VPS52: variants seen among roughly 807,000 people sequenced by gnomAD.
VPS52 encodes VPS52 subunit of GARP complex.
In VPS52, 56 loss-of-function variants were observed where a neutral mutation model predicts 98.7. That is an observed-to-expected ratio of 0.57 (90% CI 0.46 to 0.71). VPS52 has a LOEUF of 0.71. Among genes scored for constraint, VPS52 ranks in the 30% least tolerant of loss-of-function variants. The probability of loss-of-function intolerance (pLI) is 0.00; values close to 1 mark genes in which losing one functional copy is unlikely to be tolerated. For missense variants in VPS52, 742 were observed against 925.9 expected (o/e 0.80, Z 2.58); for synonymous variants, 348 against 346.4 (o/e 1.00, Z -0.05).
chr6:33,253,816 A>G (rs1300726713), intron 17 of VPS52, among the ~76,000 whole-genome samples: 3 of 152,236 alleles, frequency 2.0e-5, no homozygotes, highest in South Asian at 2.1e-4. Flanking sequence ...ATTCATCTGT[A>G]TATGTATAAG....
Position 33,250,608 on chromosome 6 carries a change from G to A in VPS52, c.*233C>T. 1 of 536,440 alleles carries A rather than the reference G, an allele frequency of 1.9e-6. No homozygotes were observed. Among genetic ancestry groups the A allele is most frequent in the Non-Finnish European group, 3.2e-6 (1 of 308,010 alleles). 33.2% of individuals were successfully genotyped at this position (536,440 alleles called of 1,614,324 possible). A position where few individuals can be genotyped will look rare whatever the true frequency, so the allele number is the denominator to read the frequency against. ...AGAAATGATAAAGGCCATTTTGGAA[G>A]CCCACAGGGAAGTGGTCTTGGGAAA... On this transcript the variant is annotated 3_prime_UTR_variant, in exon 20 of 20. Transcript: ENST00000445902.
rs923554752 is a variant in VPS52, at chr6:33,267,840, G to A, written c.933+25C>T. 1 of 1,612,922 alleles carries A rather than the reference G, an allele frequency of 6.2e-7. No homozygotes were observed. Among genetic ancestry groups the A allele is most frequent in the Non-Finnish European group, 8.5e-7 (1 of 1,179,992 alleles). On this transcript the variant is annotated intron_variant, in intron 9 of 19. Coordinates refer to ENST00000445902, the MANE Select transcript of VPS52 (RefSeq NM_022553.6). This position sits in a 1 kb window ranked among gnomAD's most constrained non-coding sequence, Gnocchi z 4.2. ...CCCTCCTCCCAGTCCATGTGCCCAGGAATACCTCTCCCTCCTGACCTTACC... is the reference window on the plus strand; with the variant it reads ...CCCTCCTCCCAGTCCATGTGCCCAGAAATACCTCTCCCTCCTGACCTTACC...
At chr6:33,270,104 C>G in intron 2 of VPS52, 53 bp from the exon 3 acceptor site, 1 of 1,613,480 alleles carries the variant, frequency 6.2e-7, no homozygotes, top group Non-Finnish European at 8.5e-7. Flanking sequence ...CCTCTCCCCA[C>G]ATTGAGTATC....
At chr6:33,269,884 A>T in intron 3 of VPS52, 65 bp from the exon 4 acceptor site, 1 of 1,592,994 alleles carries the variant, frequency 6.3e-7, no homozygotes, top group African/African-American at 1.3e-5. Context: ...TAACAGAATC[A>T]GTGAAGGACT....
rs1391859860 is a variant in VPS52 at position 33,264,373 on chromosome 6, C to T, written c.1524+1G>A. On this transcript the variant is annotated splice_donor_variant, in intron 14 of 19. Transcript: ENST00000445902. LOFTEE classifies it high-confidence loss of function. ...CCTTTGTTACCCTTGCCCTCCCTCA[C>T]ATAGTGGGGCCGAGTATCCAACCCC... 6.2e-7 allele frequency: 1 copy of T among 1,613,880 alleles called. No homozygotes were observed. Among genetic ancestry groups the T allele is most frequent in the African/African-American group, 1.3e-5 (1 of 74,920 alleles).
chr6:33,267,014 G>A lies in VPS52; in HGVS notation c.1125+174C>T, dbSNP rs1002727320. ...CCCTCTGCATGCCCTTAAGTCAATGGTTCCCAGCTCTTTTCACATCACAGC... is the reference window on the plus strand; with the variant it reads ...CCCTCTGCATGCCCTTAAGTCAATGATTCCCAGCTCTTTTCACATCACAGC... On this transcript the variant is annotated intron_variant, in intron 11 of 19. Coordinates refer to ENST00000445902, the MANE Select transcript of VPS52 (RefSeq NM_022553.6). This position sits in a 1 kb window ranked among gnomAD's most constrained non-coding sequence, Gnocchi z 4.2. Among the ~76,000 whole-genome samples the A allele has an allele frequency of 6.6e-6, 1 of 152,090 alleles. No homozygotes were observed. Among genetic ancestry groups the A allele is most frequent in the East Asian group, 1.9e-4 (1 of 5,188 alleles).
chr6:33,267,655 C>G lies in VPS52; in HGVS notation c.991+27G>C, dbSNP rs1209117426. 18 of 1,612,692 alleles carry G rather than the reference C, an allele frequency of 1.1e-5. No homozygotes were observed. Among genetic ancestry groups the G allele is most frequent in the Non-Finnish European group, 1.5e-5 (18 of 1,179,780 alleles). On this transcript the variant is annotated intron_variant, in intron 10 of 19. Coordinates refer to ENST00000445902, the MANE Select transcript of VPS52 (RefSeq NM_022553.6). This position sits in a 1 kb window ranked among gnomAD's most constrained non-coding sequence, Gnocchi z 4.2. ...AAGTCCTCCCACTCTCAAGGCCTGGCATGAGGGTTCCCCAGTACTAGGATA... is the reference window on the plus strand; with the variant it reads ...AAGTCCTCCCACTCTCAAGGCCTGGGATGAGGGTTCCCCAGTACTAGGATA...
intron 5 of VPS52, 98 bp from the exon 6 acceptor site, chr6:33,269,287 C>T: frequency 1.3e-6 from 2 of 1,536,418 alleles, no homozygotes; most frequent in African/African-American, 1.4e-5. Flanking sequence ...TTTATCAGTC[C>T]TTGAGGGTGG....
Position 33,267,542 on chromosome 6 carries a change from G to A in VPS52, c.991+140C>T, listed in dbSNP as rs1488924811. 1 of 1,219,620 alleles carries A rather than the reference G, an allele frequency of 8.2e-7. No homozygotes were observed. The highest frequency in any genetic ancestry group is 1.2e-6 in the Non-Finnish European group (1 of 864,464). The allele number at this position is 1,219,620 out of a possible 1,614,324, so 75.5% of individuals were successfully genotyped here. A position where few individuals can be genotyped will look rare whatever the true frequency, so the allele number is the denominator to read the frequency against. Reference sequence around the variant, plus strand: ...CAAAATAATGTGTGCATCTTTCTGGGGAGGGAGGCTATAGCTTTCATCACA... The same window carrying A: ...CAAAATAATGTGTGCATCTTTCTGGAGAGGGAGGCTATAGCTTTCATCACA... On this transcript the variant is annotated intron_variant, in intron 10 of 19. Coordinates refer to ENST00000445902, the MANE Select transcript of VPS52 (RefSeq NM_022553.6). This position sits in a 1 kb window ranked among gnomAD's most constrained non-coding sequence, Gnocchi z 4.2.
intron 18 of VPS52, 74 bp from the exon 19 acceptor site, chr6:33,251,710 T>C (rs1415117490): frequency 1.9e-5 from 27 of 1,414,638 alleles, no homozygotes; most frequent in Non-Finnish European, 2.4e-5. Context: ...CCCCAAGGTA[T>C]AGCCATCCTT....
intron 18 of VPS52, 28 bp downstream of exon 18, chr6:33,251,832 T>A: frequency 6.2e-7 from 1 of 1,606,924 alleles, no homozygotes; most frequent in Non-Finnish European, 8.5e-7. Context: ...TTACCACTGA[T>A]CCCATCATTA....
chr6:33,260,579 G>A (rs1196041810), intron 17 of VPS52, among the ~76,000 whole-genome samples: 1 of 152,088 alleles, frequency 6.6e-6, no homozygotes, highest in African/African-American at 2.4e-5. Context: ...ACAGGTACTC[G>A]TTGATCTAAA....
Position 33,269,825 on chromosome 6 carries a change from A to G in VPS52, c.229-6T>C, listed in dbSNP as rs1055723797. ...TAGTGACGGAGATCTACACCCTGGG[A>G]GAACATAAAGATGACAGGTCAGAAG... On this transcript the variant is annotated splice_polypyrimidine_tract_variant and splice_region_variant and intron_variant, in intron 3 of 19. Transcript: ENST00000445902. The G allele has an allele frequency of 6.2e-7, 1 of 1,613,346 alleles. No individual in the cohort carries two copies. Among genetic ancestry groups the G allele is most frequent in the East Asian group, 2.2e-5 (1 of 44,884 alleles).
intron 17 of VPS52, among the ~76,000 whole-genome samples, chr6:33,253,135 C>T (rs943928975): frequency 1.3e-5 from 2 of 151,972 alleles, no homozygotes; most frequent in Admixed American, 1.3e-4. Context: ...GAAGGGAAAT[C>T]TATAGACTAA....
At chr6:33,264,241 T>C in intron 14 of VPS52, 133 bp downstream of exon 14, 3 of 1,545,790 alleles carry the variant, frequency 1.9e-6, no homozygotes, top group Non-Finnish European at 2.7e-6. Flanking sequence ...CCACTCACCA[T>C]GAGTTTCACC....
chr6:33,265,122 G>C (rs1764149451), intron 12 of VPS52, among the ~76,000 whole-genome samples: 1 of 152,036 alleles, frequency 6.6e-6, no homozygotes, highest in South Asian at 2.1e-4. Flanking sequence ...ACCCAAGCTG[G>C]AATGCAGTGG....
At position 33,271,846 on chromosome 6, in the gene VPS52, A is replaced by C. The variant is rs995049108; in HGVS notation, c.-171T>G. On this transcript the variant is annotated 5_prime_UTR_variant, in exon 1 of 20. It adds an upstream start codon to the 5' untranslated region. Coordinates refer to ENST00000445902, the MANE Select transcript of VPS52 (RefSeq NM_022553.6). ...GCTCTAACCACTTCACCCAACTGCA[A>C]ATGGAAATATGGAAGTCTGAAACAC... 9.4e-6 allele frequency: 13 copies of C among 1,377,570 alleles called. No homozygotes were observed. The South Asian group carries it at 1.7e-4, about 18-fold the overall frequency. The allele number at this position is 1,377,570 out of a possible 1,614,324, so 85.3% of individuals were successfully genotyped here.
At chr6:33,252,543 C>CA (rs1182767857) in intron 17 of VPS52, among the ~76,000 whole-genome samples, 3 of 136,480 alleles carry the variant, frequency 2.2e-5, no homozygotes, top group Non-Finnish European at 3.0e-5. Context: ...GAGCAGAGAT[C>CA]ATGCCACTGC....
chr6:33,265,799 G>C (rs1340383802), intron 12 of VPS52, among the ~76,000 whole-genome samples: 5 of 152,198 alleles, frequency 3.3e-5, no homozygotes, highest in African/African-American at 7.2e-5. Context: ...TGGGTCAGCA[G>C]TAGGGGTAGT....
Sources: gnomAD v4.1 joint callset for allele counts (sites outside exome capture counted in the v4.1 genomes callset) on GRCh38, gnomAD v4.1.1 for gene constraint, Gnocchi (gnomAD v3.1) non-coding constraint, MANE v1.5 for transcripts, NCBI Gene and HGNC (gene_info 2026-07-23, HGNC 2026-07-21) for gene names.